TG: variants seen among roughly 807,000 people sequenced by gnomAD.
TG encodes thyroglobulin, also known as thyroid hormones.
TG carries 270 observed loss-of-function variants against 324.7 expected under a neutral mutation model. The observed-to-expected ratio is 0.83, with a 90% confidence interval of 0.75 to 0.92. The LOEUF (loss-of-function observed/expected upper bound fraction) is 0.92. Among genes scored for constraint, TG ranks in the 40% least tolerant of loss-of-function variants. The pLI, the probability that TG is intolerant of heterozygous loss-of-function variation, is 0.00. For missense variants in TG, 3,591 were observed against 3,456.4 expected (o/e 1.04, Z -0.98); for synonymous variants, 1,401 against 1,327.0 (o/e 1.06, Z -1.21).
At chr8:133,088,910 A>G (rs1847040148) in intron 41 of TG, among the ~76,000 whole-genome samples, 1 of 152,250 alleles carries the variant, frequency 6.6e-6, no homozygotes, top group African/African-American at 2.4e-5. Context: ...TGTAGAAAAC[A>G]TGCAAGAGAA....
At chr8:133,134,528 G>A in intron 47 of TG, 148 bp from the exon 48 acceptor site, 1 of 748,416 alleles carries the variant, frequency 1.3e-6, no homozygotes, top group Non-Finnish European at 2.4e-6. Flanking sequence ...GACCCATCTG[G>A]CACCTCAGCC....
chr8:132,930,449 C>CGGGG (rs1184518609), intron 23 of TG, among the ~76,000 whole-genome samples: 3 of 152,016 alleles, frequency 2.0e-5, no homozygotes, highest in African/African-American at 7.2e-5. Flanking sequence ...GGAGACTGAG[C>CGGGG]GGGGGTGGAT....
At chr8:133,021,136 C>G (rs928302146) in intron 39 of TG, among the ~76,000 whole-genome samples, 1 of 152,188 alleles carries the variant, frequency 6.6e-6, no homozygotes, top group Non-Finnish European at 1.5e-5. Context: ...TTCAACATGT[C>G]TAAGCCTCTG....
rs1820795656 is a variant in TG at position 132,919,252 on chromosome 8, G to T, written c.4379-124G>T. 3 of 1,047,768 alleles carry T rather than the reference G, an allele frequency of 2.9e-6. No homozygotes were observed. In the Admixed American group the frequency reaches 6.0e-5, roughly 21 times the overall value. 64.9% of individuals were successfully genotyped at this position (1,047,768 alleles called of 1,614,324 possible). ...TCTGACACACAGTAGGTTCTCAGTG[G>T]ACATTTGTTAAATGAATGAGCTCTT... On this transcript the variant is annotated intron_variant, in intron 20 of 47. Transcript: ENST00000220616.
chr8:133,031,321 A>G (rs1836621281), intron 41 of TG, among the ~76,000 whole-genome samples: 1 of 152,184 alleles, frequency 6.6e-6, no homozygotes, highest in African/African-American at 2.4e-5. Context: ...TGGCTGCATA[A>G]TATTCCTTTG....
At chr8:133,117,950 T>C (rs1038751548) in intron 45 of TG, among the ~76,000 whole-genome samples, 3 of 152,192 alleles carry the variant, frequency 2.0e-5, no homozygotes, top group Non-Finnish European at 4.4e-5. Context: ...CTAAAGTTTT[T>C]CCTCTTAGGG....
intron 22 of TG, among the ~76,000 whole-genome samples, chr8:132,925,367 G>T (rs886640279): frequency 6.6e-6 from 1 of 152,104 alleles, no homozygotes; most frequent in Non-Finnish European, 1.5e-5. Flanking sequence ...ACACACATAT[G>T]CATGCATAGC....
At chr8:132,956,842 T>A (rs6994110) in intron 27 of TG, among the ~76,000 whole-genome samples, 47,860 of 151,360 alleles carry the variant, frequency 0.32, 9,671 homozygotes, top group African/African-American at 0.57. Context: ...GAGTTAGGAG[T>A]TGTGGTAAGG....
rs117297456 is a variant in TG, at chr8:133,101,946, C to T, written c.7572+5573C>T. On this transcript the variant is annotated intron_variant, in intron 43 of 47. Coordinates refer to ENST00000220616, the MANE Select transcript of TG (RefSeq NM_003235.5). Reference sequence around the variant, plus strand: ...CCTGGGTGTCCTTGGATTGCAATCACGAGCATCCAAGTTACCCAGAGTCTG... The same window carrying T: ...CCTGGGTGTCCTTGGATTGCAATCATGAGCATCCAAGTTACCCAGAGTCTG... Among the ~76,000 whole-genome samples, 33 of 152,296 alleles carry T rather than the reference C, an allele frequency of 2.2e-4. 1 individual carries two copies. Among genetic ancestry groups the T allele is most frequent in the South Asian group, 1.0e-3 (5 of 4,830 alleles).
chr8:132,981,832 G>T (rs1830894407), intron 34 of TG, among the ~76,000 whole-genome samples: 1 of 152,184 alleles, frequency 6.6e-6, no homozygotes, highest in Non-Finnish European at 1.5e-5. Context: ...CTTCCAGGCA[G>T]ATGATGCCAA....
intron 41 of TG, among the ~76,000 whole-genome samples, chr8:133,062,275 C>T (rs907966922): frequency 2.0e-5 from 3 of 152,214 alleles, no homozygotes; most frequent in Non-Finnish European, 2.9e-5. Context: ...CTGGTAGGAA[C>T]TTTCTAGCAG....
intron 34 of TG, among the ~76,000 whole-genome samples, chr8:132,979,994 G>A (rs1257557803): frequency 6.6e-6 from 1 of 152,062 alleles, no homozygotes; most frequent in African/African-American, 2.4e-5. Flanking sequence ...TGGCTCCCAG[G>A]ACTCAGGGAA....
At chr8:133,019,412 G>A (rs965063081) in intron 38 of TG, among the ~76,000 whole-genome samples, 190 bp from the exon 39 acceptor site, 1 of 152,216 alleles carries the variant, frequency 6.6e-6, no homozygotes. Context: ...AGAGAGCGGT[G>A]GGCACTCTGT....
intron 41 of TG, among the ~76,000 whole-genome samples, chr8:133,071,070 T>C (rs1291692435): frequency 1.3e-5 from 2 of 152,230 alleles, no homozygotes; most frequent in Non-Finnish European, 2.9e-5. Context: ...CTATAAGTAG[T>C]GAGGGAGCCA....
rs777212535 is a variant in TG, at chr8:132,887,436, T to C, written c.2064T>C (p.Thr688=). 1.2e-5 allele frequency: 20 copies of C among 1,614,166 alleles called. No homozygotes were observed. The highest frequency in any genetic ancestry group is 5.0e-5 in the Admixed American group (3 of 60,016). ...AGSTLFVPAC[T]SEGHFLPVQC... is the part of the protein sequence containing the mutation. ...CCACCTTGTTTGTCCCTGCTTGTACTAGTGAGGGACATTTCCTGCCTGTCC... is the reference window on the plus strand; with the variant it reads ...CCACCTTGTTTGTCCCTGCTTGTACCAGTGAGGGACATTTCCTGCCTGTCC... The change falls in exon 9 of 48, where the codon ACT becomes ACC. Residue 688 remains threonine (T), a synonymous_variant. Coordinates refer to ENST00000220616, the MANE Select transcript of TG (RefSeq NM_003235.5).
At chr8:132,913,348 A>G (rs1819807810) in intron 20 of TG, 83 bp downstream of exon 20, 3 of 1,385,316 alleles carry the variant, frequency 2.2e-6, no homozygotes, top group South Asian at 2.4e-5. Context: ...GAGAGAGGCT[A>G]CTCTGGACAT....
chr8:133,018,189 T>C (rs901660450), intron 38 of TG, among the ~76,000 whole-genome samples, 192 bp downstream of exon 38: 1 of 152,168 alleles, frequency 6.6e-6, no homozygotes, highest in African/African-American at 2.4e-5. Flanking sequence ...CTTAACACTG[T>C]TTTGCTCATG....
chr8:132,897,299 C>A (rs1817260039), intron 11 of TG, among the ~76,000 whole-genome samples: 1 of 152,184 alleles, frequency 6.6e-6, no homozygotes, highest in Non-Finnish European at 1.5e-5. Flanking sequence ...ATGTATTTAG[C>A]TAGTGCCTCA....
rs183979829 is a variant in TG at position 132,935,549 on chromosome 8, T to G, written c.4933-207T>G. 4.2e-3 allele frequency among the ~76,000 whole-genome samples: 634 copies of G among 152,234 alleles called. 3 individuals carry two copies. Among genetic ancestry groups the G allele is most frequent in the Non-Finnish European group, 7.1e-3 (486 of 68,020 alleles). On this transcript the variant is annotated intron_variant, in intron 24 of 47. Transcript: ENST00000220616. The stretch of plus-strand genomic sequence containing the variant: ...AATCAATTGCTCCTTCCTCTCTAAT[T>G]ACCTCTTCTTTAATTATATGTATCT...
Sources: allele counts gnomAD v4.1 joint callset (sites outside exome capture counted in the v4.1 genomes callset), GRCh38; gene constraint gnomAD v4.1.1; transcripts MANE v1.5; gene names NCBI Gene and HGNC (gene_info 2026-07-23, HGNC 2026-07-21).